Variants in CYP2B6 observed in about 807,000 individuals in gnomAD.
CYP2B6 encodes the protein cytochrome P450 2B6.
In CYP2B6, 35 loss-of-function variants were observed where a neutral mutation model predicts 43.4. The ratio of observed to expected loss-of-function variants is 0.81; its 90% CI spans 0.62 to 1.07. CYP2B6 has a LOEUF of 1.07. CYP2B6 is among the 50% of genes least tolerant of loss of function. CYP2B6 has a pLI of 0.00. For missense variants in CYP2B6, 624 were observed against 632.8 expected (o/e 0.99, Z 0.15); for synonymous variants, 239 against 239.2 (o/e 1.00, Z 0.01).
chr19:41,012,856 C>G (rs778242648), intron 8 of CYP2B6, 41 bp downstream of exon 8: 1 of 1,609,712 alleles, frequency 6.2e-7, no homozygotes, highest in South Asian at 1.1e-5. Context: ...CACCAGAGGG[C>G]AGGTACTATC....
intron 1 of CYP2B6, among the ~76,000 whole-genome samples, chr19:40,995,635 G>T (rs60618718): frequency 0.081 from 12,376 of 152,240 alleles, 1,693 homozygotes; most frequent in African/African-American, 0.28. Context: ...GTTTATAAGA[G>T]TGGGAGATAC....
intron 8 of CYP2B6, 52 bp from the exon 9 acceptor site, chr19:41,016,594 G>C: frequency 1.3e-6 from 2 of 1,589,462 alleles, no homozygotes; most frequent in South Asian, 2.2e-5. Flanking sequence ...ATGGCAGAGC[G>C]AAGTGTATGC....
chr19:41,008,024 C>T (rs1399012409), intron 4 of CYP2B6, among the ~76,000 whole-genome samples: 192 of 151,646 alleles, frequency 1.3e-3, no homozygotes, highest in African/African-American at 4.5e-3. Context: ...AGCATTTCTT[C>T]ATTTTCTCCC....
At chr19:40,999,264 A>C (rs1288059511) in intron 1 of CYP2B6, among the ~76,000 whole-genome samples, 1 of 151,796 alleles carries the variant, frequency 6.6e-6, no homozygotes, top group Non-Finnish European at 1.5e-5. Flanking sequence ...CCACTTTTTG[A>C]TGGGGTTGTT....
rs1483342250 is a variant in CYP2B6, at chr19:41,016,544, A to G, written c.1295-102A>G. ...TGTAGGTTAAAGGCCAGTCTTATGCAAATCTGTTGCAGTGGACATTTGTGT... is the reference window on the plus strand; with the variant it reads ...TGTAGGTTAAAGGCCAGTCTTATGCGAATCTGTTGCAGTGGACATTTGTGT... On this transcript the variant is annotated intron_variant, in intron 8 of 8. Coordinates refer to ENST00000324071, the MANE Select transcript of CYP2B6 (RefSeq NM_000767.5). The G allele has an allele frequency of 3.2e-5, 40 of 1,269,756 alleles. No homozygotes were observed. In the East Asian group the frequency reaches 9.5e-4, roughly 30 times the overall value. The allele number at this position is 1,269,756 out of a possible 1,614,324, so 78.7% of individuals were successfully genotyped here.
At chr19:41,006,263 C>T (rs1186887177) in intron 3 of CYP2B6, among the ~76,000 whole-genome samples, 2 of 151,966 alleles carry the variant, frequency 1.3e-5, no homozygotes, top group Non-Finnish European at 2.9e-5. Flanking sequence ...TGTGATCCTC[C>T]CACTTCAGCC....
intron 8 of CYP2B6, among the ~76,000 whole-genome samples, chr19:41,016,197 G>A (rs1969359740): frequency 1.3e-5 from 2 of 151,914 alleles, no homozygotes; most frequent in South Asian, 4.2e-4. Flanking sequence ...GGAGCTCGAG[G>A]CTAGCCTGGC....
At chr19:40,999,069 C>T (rs901082257) in intron 1 of CYP2B6, among the ~76,000 whole-genome samples, 12 of 148,326 alleles carry the variant, frequency 8.1e-5, no homozygotes, top group African/African-American at 3.0e-4. Flanking sequence ...TATTTCTCCA[C>T]ATCTTCTCCA....
intron 6 of CYP2B6, 94 bp downstream of exon 6, chr19:41,010,229 G>A (rs1969259798): frequency 6.7e-7 from 1 of 1,487,882 alleles, no homozygotes; most frequent in Non-Finnish European, 9.3e-7. Context: ...GAGAGGGGAT[G>A]CTGGCTTCCT....
At chr19:41,002,551 T>G (rs1344726679) in intron 1 of CYP2B6, among the ~76,000 whole-genome samples, 3 of 152,136 alleles carry the variant, frequency 2.0e-5, no homozygotes, top group Non-Finnish European at 4.4e-5. Context: ...TTTTTGTTTT[T>G]GTTTGTTTGT....
chr19:40,994,677 C>T (rs952890345), intron 1 of CYP2B6, among the ~76,000 whole-genome samples: 5 of 152,020 alleles, frequency 3.3e-5, no homozygotes, highest in African/African-American at 1.2e-4. Context: ...CCCACACCCC[C>T]ATAGGTAGTC....
At chr19:41,006,630 A>G (rs1969192105) in intron 3 of CYP2B6, among the ~76,000 whole-genome samples, 3 of 152,008 alleles carry the variant, frequency 2.0e-5, no homozygotes, top group Admixed American at 6.6e-5. Flanking sequence ...TCCTGGCCTC[A>G]GTAATGAGTA....
intron 4 of CYP2B6, chr19:41,007,619 G>A (rs1236437498): frequency 2.8e-5 from 4 of 141,950 alleles, no homozygotes; most frequent in Non-Finnish European, 5.8e-5. Context: ...CACCACACCT[G>A]GCTAATTTTT....
chr19:41,010,148 C>T lies in CYP2B6; in HGVS notation c.964+13C>T. 6 of 1,612,382 alleles carry T rather than the reference C, an allele frequency of 3.7e-6. No homozygotes were observed. The highest frequency in any genetic ancestry group is 5.1e-6 in the Non-Finnish European group (6 of 1,179,916). On this transcript the variant is annotated intron_variant, in intron 6 of 8. Coordinates refer to ENST00000324071, the MANE Select transcript of CYP2B6 (RefSeq NM_000767.5). Reference sequence around the variant, plus strand: ...CCTCATGTTGCAGGTGGGCCAGGGACAGCCAGTCAAGGGGGTCTTCTGACC... The same window carrying T: ...CCTCATGTTGCAGGTGGGCCAGGGATAGCCAGTCAAGGGGGTCTTCTGACC...
chr19:41,000,444 G>A lies in CYP2B6; in HGVS notation c.172-3557G>A, dbSNP rs147918909. ...GTGAAAGCTCCAAGCCTGACTCAGC[G>A]GAACTGGCAGTCGGCCAGGGCCTAC... is the stretch of plus-strand genomic sequence containing the variant. On this transcript the variant is annotated intron_variant, in intron 1 of 8. Transcript: ENST00000324071. Among the ~76,000 whole-genome samples, 9 of 152,272 alleles carry A rather than the reference G, an allele frequency of 5.9e-5. 1 individual carries two copies. Among genetic ancestry groups the A allele is most frequent in the African/African-American group, 1.4e-4 (6 of 41,528 alleles).
At chr19:40,995,783 T>G (rs1016089847) in intron 1 of CYP2B6, among the ~76,000 whole-genome samples, 2 of 152,156 alleles carry the variant, frequency 1.3e-5, no homozygotes, top group African/African-American at 4.8e-5. Flanking sequence ...CAATTCAGCA[T>G]GCTTTGCCTA....
chr19:40,993,077 A>G (rs147426303), intron 1 of CYP2B6, among the ~76,000 whole-genome samples: 152 of 152,280 alleles, frequency 1.0e-3, no homozygotes, highest in Non-Finnish European at 1.1e-3. Flanking sequence ...ATAGTATTAG[A>G]GTCCAATTGG....
chr19:41,009,317 T>G lies in CYP2B6; in HGVS notation c.744T>G (p.Ser248Arg), dbSNP rs897092263. The G allele has an allele frequency of 6.2e-7, 1 of 1,611,902 alleles. No homozygotes were observed. Among genetic ancestry groups the G allele is most frequent in the African/African-American group, 1.3e-5 (1 of 74,504 alleles). The change falls in exon 5 of 9, where the codon AGT becomes AGG. Residue 248 changes from serine (S) to arginine (R), a missense_variant. By Grantham distance (110) the Ser-to-Arg change is moderately radical (BLOSUM62 -1). Transcript: ENST00000324071. ...LQEINAYIGH[S>R]VEKHRETLDP... ...AAATCAATGCTTACATTGGCCACAG[T>G]GTGGAGAAGCACCGTGAAACCCTGG...
At chr19:40,995,705 A>G (rs547394807) in intron 1 of CYP2B6, among the ~76,000 whole-genome samples, 7 of 152,344 alleles carry the variant, frequency 4.6e-5, no homozygotes, top group Admixed American at 2.6e-4. Context: ...AGATCTATCT[A>G]TGTCTTTCCA....
Sources: gnomAD v4.1 joint callset for allele counts (sites outside exome capture counted in the v4.1 genomes callset) on GRCh38, gnomAD v4.1.1 for gene constraint, MANE v1.5 for transcripts, NCBI Gene and HGNC (gene_info 2026-07-23, HGNC 2026-07-21) for gene names.